The following BBS2 variants were observed in gnomAD, a reference collection of about 807,000 sequenced individuals.
BBS2 encodes BBSome complex member BBS2.
A neutral mutation model predicts 83.0 loss-of-function variants in BBS2; 62 were observed. The ratio of observed to expected loss-of-function variants is 0.75; its 90% CI spans 0.61 to 0.92. BBS2 has a LOEUF of 0.92. Among genes scored for constraint, BBS2 ranks in the 40% least tolerant of loss-of-function variants. The probability of loss-of-function intolerance (pLI) is 0.00; values close to 1 mark genes in which losing one functional copy is unlikely to be tolerated. For synonymous variants in BBS2, 303 were observed against 326.1 expected (o/e 0.93, Z 0.76); for missense variants, 784 against 901.0 (o/e 0.87, Z 1.66).
At position 56,486,602 on chromosome 16, in the gene BBS2, T is replaced by C. The variant is rs547621109; in HGVS notation, c.1911-864A>G. ...GAATGAAGCCAGACTCAAAAGGATA[T>C]ATAGATATAGATACAGTATGATTCC... On this transcript the variant is annotated intron_variant, in intron 15 of 16. Transcript: ENST00000245157. Among the ~76,000 whole-genome samples the C allele has an allele frequency of 5.3e-5, 8 of 152,300 alleles. No homozygotes were observed. In the South Asian group the frequency reaches 1.2e-3, roughly 24 times the overall value.
chr16:56,483,702 AT>A (rs35282850), downstream of BBS2, among the ~76,000 whole-genome samples: 24,514 of 142,596 alleles, frequency 0.17, 1,951 homozygotes, highest in East Asian at 0.27. Flanking sequence ...AAATATCCAC[AT>A]TTTTTTTTTT....
At position 56,520,000 on chromosome 16, in the gene BBS2, G is replaced by A. The variant is rs1037636810; in HGVS notation, c.-138C>T. 16 of 742,416 alleles carry A rather than the reference G, an allele frequency of 2.2e-5. No homozygotes were observed. The highest frequency in any genetic ancestry group is 3.6e-5 in the Non-Finnish European group (15 of 421,228). 46.0% of individuals were successfully genotyped at this position (742,416 alleles called of 1,614,324 possible). On this transcript the variant is annotated 5_prime_UTR_variant, in exon 1 of 17. Coordinates refer to ENST00000245157, the MANE Select transcript of BBS2 (RefSeq NM_031885.5). ...CTCAGGCCGGACGCGAAACAGCCCG[G>A]GACGAACCCGTCCAGGTACCGCCTG...
At chr16:56,480,352 C>CAAAAAAAAAAAAAAAAAAA (rs1286219655), downstream of BBS2, among the ~76,000 whole-genome samples, 52 of 76,500 alleles carry the variant, frequency 6.8e-4, no homozygotes, top group African/African-American at 1.5e-3. Flanking sequence ...CACACACACA[C>CAAAAAAAAAAAAAAAAAAA]AAAAAAAAAA....
chr16:56,519,832 G>A lies in BBS2; in HGVS notation c.31C>T (p.Arg11Cys). 5 of 1,613,800 alleles carry A rather than the reference G, an allele frequency of 3.1e-6. No homozygotes were observed. The highest frequency in any genetic ancestry group is 4.2e-6 in the Non-Finnish European group (5 of 1,179,788). ...ACCATTCGGGGGCTGATTTTGTGGC[G>A]CAGTTTCAGGGTGAACACAGGCAGC... MLLPVFTLKL[R>C]HKISPRMVAI... Residue 11 changes from arginine (R) to cysteine (C), a missense_variant, in exon 1 of 17, where the codon CGC (arginine) becomes TGC (cysteine). Arg to Cys is a radical substitution (Grantham distance 180, BLOSUM62 -3). Coordinates refer to ENST00000245157, the MANE Select transcript of BBS2 (RefSeq NM_031885.5).
chr16:56,502,556 T>C (rs1964305485), intron 8 of BBS2, 100 bp from the exon 9 acceptor site: 1 of 1,610,306 alleles, frequency 6.2e-7, no homozygotes, highest in Non-Finnish European at 8.5e-7. Flanking sequence ...CCAACTTTGG[T>C]GAATTTATTA....
intron 5 of BBS2, among the ~76,000 whole-genome samples, chr16:56,507,622 T>A (rs1273830084): frequency 6.6e-6 from 1 of 152,018 alleles, no homozygotes; most frequent in Non-Finnish European, 1.5e-5. Context: ...AAGAATGTAA[T>A]GAAGGCTCCG....
chr16:56,475,594 T>G (rs567721056), intron 17 of BBS2: 2 of 1,592,592 alleles, frequency 1.3e-6, no homozygotes, highest in Non-Finnish European at 1.7e-6. Context: ...CAAACTATCA[T>G]TTTTAGTTAT....
Position 56,496,960 on chromosome 16 carries a change from T to C in BBS2, c.1910+7A>G. On this transcript the variant is annotated splice_region_variant and intron_variant, in intron 15 of 16. Coordinates refer to ENST00000245157, the MANE Select transcript of BBS2 (RefSeq NM_031885.5). Reference sequence around the variant, plus strand: ...CTGCACCTGTACTAACCATGACAAATACTCACATGTCCCTCATCAGACGAG... The same window carrying C: ...CTGCACCTGTACTAACCATGACAAACACTCACATGTCCCTCATCAGACGAG... 1.2e-6 allele frequency: 2 copies of C among 1,603,030 alleles called. No homozygotes were observed. Among genetic ancestry groups the C allele is most frequent in the Non-Finnish European group, 8.5e-7 (1 of 1,169,888 alleles).
At chr16:56,500,794 A>G in intron 11 of BBS2, 60 bp downstream of exon 11, 1 of 1,573,274 alleles carries the variant, frequency 6.4e-7, no homozygotes. Flanking sequence ...TGGAAAATTT[A>G]TACATCTTGC....
chr16:56,492,200 T>G (rs921464424), intron 15 of BBS2, among the ~76,000 whole-genome samples: 2 of 152,170 alleles, frequency 1.3e-5, no homozygotes, highest in Non-Finnish European at 2.9e-5. Context: ...CCTGAAGACC[T>G]ATTAGCACTC....
At chr16:56,508,753 C>A (rs1309787556) in intron 5 of BBS2, among the ~76,000 whole-genome samples, 1 of 152,034 alleles carries the variant, frequency 6.6e-6, no homozygotes, top group African/African-American at 2.4e-5. Context: ...TCAAGGGATC[C>A]TCCTGCCTCA....
At chr16:56,471,953 CTGTTTGTTTGTT>C (rs35730390) in intron 17 of BBS2, among the ~76,000 whole-genome samples, 3 of 151,384 alleles carry the variant, frequency 2.0e-5, no homozygotes, top group East Asian at 1.9e-4. Context: ...TTATCCACTT[CTGTTTGTTTGTT>C]TGTTTGTTTG....
intron 17 of BBS2, chr16:56,470,823 C>A: frequency 6.6e-7 from 1 of 1,513,606 alleles, no homozygotes. Context: ...TCCTTACTTA[C>A]CATTAACCAT....
At chr16:56,479,131 T>C (rs1215551550) in intron 17 of BBS2, 2 of 152,222 alleles carry the variant, frequency 1.3e-5, no homozygotes, top group African/African-American at 4.8e-5. Context: ...TTATTCTTAA[T>C]AGTGAGTCTC....
intron 15 of BBS2, among the ~76,000 whole-genome samples, chr16:56,496,688 T>C (rs1238229599): frequency 6.6e-6 from 1 of 152,248 alleles, no homozygotes; most frequent in African/African-American, 2.4e-5. Flanking sequence ...GTTTCCATTT[T>C]GAGATTTTTA....
intron 16 of BBS2, 142 bp downstream of exon 16, chr16:56,485,448 T>C (rs542213244): frequency 3.6e-5 from 42 of 1,160,096 alleles, no homozygotes; most frequent in Non-Finnish European, 4.8e-5. Flanking sequence ...GACTGAAACA[T>C]AAGTGACTGG....
intron 5 of BBS2, among the ~76,000 whole-genome samples, chr16:56,508,565 A>C (rs1377139142): frequency 6.6e-6 from 1 of 152,168 alleles, no homozygotes; most frequent in Non-Finnish European, 1.5e-5. Context: ...TCAAAACCAT[A>C]AAGGATACAG....
chr16:56,519,716 C>T, intron 1 of BBS2, 30 bp downstream of exon 1: 1 of 1,562,116 alleles, frequency 6.4e-7, no homozygotes, highest in South Asian at 1.1e-5. Flanking sequence ...TTCCCTGGGG[C>T]CCGGGCTCCC....
chr16:56,499,838 C>T lies in BBS2; in HGVS notation c.1467G>A (p.Leu489=), dbSNP rs1264301102. ...PRFSMYALTS[L]DPASEPISYV... The stretch of plus-strand genomic sequence containing the variant: ...AACTGATTGGCTCACTGGCAGGGTC[C>T]AGGCTGGTCAGCGCATACATGGAGA... Residue 489 remains leucine, a synonymous_variant, in exon 12 of 17, where the codon CTG becomes CTA. Coordinates refer to ENST00000245157, the MANE Select transcript of BBS2 (RefSeq NM_031885.5). 6.2e-7 allele frequency: 1 copy of T among 1,614,054 alleles called. No individual in the cohort carries two copies. The highest frequency in any genetic ancestry group is 1.3e-5 in the African/African-American group (1 of 74,926).
Sources: gnomAD v4.1 joint callset for allele counts (sites outside exome capture counted in the v4.1 genomes callset) on GRCh38, gnomAD v4.1.1 for gene constraint, MANE v1.5 for transcripts, NCBI Gene and HGNC (gene_info 2026-07-23, HGNC 2026-07-21) for gene names.